The following CDKL2 variants were observed in gnomAD, a reference collection of about 807,000 sequenced individuals.
The protein encoded by CDKL2 is cyclin-dependent kinase-like 2.
Under a neutral mutation model 63.9 loss-of-function variants are expected in CDKL2, and 64 were observed. That is an observed-to-expected ratio of 1.00 (90% CI 0.82 to 1.23). CDKL2 has a LOEUF of 1.23. CDKL2 is among the 50% of genes most tolerant of loss of function. CDKL2 has a pLI of 0.00. For missense variants in CDKL2, 656 were observed against 668.0 expected (o/e 0.98, Z 0.20); for synonymous variants, 211 against 229.2 (o/e 0.92, Z 0.72).
intron 10 of CDKL2, among the ~76,000 whole-genome samples, chr4:75,594,461 A>T (rs1451947853): frequency 6.6e-6 from 1 of 152,142 alleles, no homozygotes; most frequent in East Asian, 1.9e-4. Context: ...AAAAAAAAAA[A>T]ATTATTTTTT....
At chr4:75,590,182 A>G (rs1194518067) in intron 12 of CDKL2, among the ~76,000 whole-genome samples, 1 of 152,176 alleles carries the variant, frequency 6.6e-6, no homozygotes, top group Non-Finnish European at 1.5e-5. Context: ...AAAGAAGTAA[A>G]GAAGTATATA....
rs1312093235 is a variant in CDKL2, at chr4:75,614,341, G to T, written c.277C>A (p.Leu93Ile). 2 of 1,610,508 alleles carry T rather than the reference G, an allele frequency of 1.2e-6. No homozygotes were observed. The highest frequency in any genetic ancestry group is 1.3e-5 in the African/African-American group (1 of 74,834). Residue 93 changes from leucine to isoleucine, a missense_variant, in exon 3 of 14, where the codon CTC becomes ATC. Physicochemically the swap from Leu to Ile is conservative, Grantham distance 5. Coordinates refer to ENST00000307465, the MANE Select transcript of CDKL2 (RefSeq NM_001330724.2). ...VDHTILDDLELFPNGLDYQVV... is the reference protein window; with the variant it reads ...VDHTILDDLEIFPNGLDYQVV... ...TGGTAGTCTAGTCCATTTGGAAAGA[G>T]CTCCAAGTCATCAAGAATTGTGTGG...
At chr4:75,590,462 C>T (rs554473626) in intron 12 of CDKL2, among the ~76,000 whole-genome samples, 3 of 152,322 alleles carry the variant, frequency 2.0e-5, no homozygotes, top group African/African-American at 7.2e-5. Context: ...TGCCTATAAT[C>T]CCAGCACTTC....
chr4:75,587,934 G>T (rs1388966911), intron 12 of CDKL2, among the ~76,000 whole-genome samples: 1 of 147,812 alleles, frequency 6.8e-6, no homozygotes, highest in Non-Finnish European at 1.5e-5. Context: ...CTGAAATCAG[G>T]CTGGGCGCGG....
At chr4:75,590,019 T>TAGCC (rs1453010216) in intron 12 of CDKL2, among the ~76,000 whole-genome samples, 1 of 149,858 alleles carries the variant, frequency 6.7e-6, no homozygotes, top group Non-Finnish European at 1.5e-5. Flanking sequence ...CAGTGGCTCA[T>TAGCC]AGCCAGGTGT....
chr4:75,598,709 A>T (rs1729049579), intron 7 of CDKL2, among the ~76,000 whole-genome samples: 1 of 152,122 alleles, frequency 6.6e-6, no homozygotes, highest in Non-Finnish European at 1.5e-5. Context: ...GTGTGACAAA[A>T]TGAGAATATA....
At chr4:75,593,523 T>G (rs933922428) in intron 10 of CDKL2, among the ~76,000 whole-genome samples, 1 of 152,082 alleles carries the variant, frequency 6.6e-6, no homozygotes, top group African/African-American at 2.4e-5. Context: ...CAAAGAAGAA[T>G]AAATTACCTC....
chr4:75,604,001 T>C (rs1729318411), intron 5 of CDKL2, 45 bp from the exon 6 acceptor site: 1 of 1,553,920 alleles, frequency 6.4e-7, no homozygotes, highest in South Asian at 1.2e-5. Flanking sequence ...TACAACATGA[T>C]AGAAATGGTG....
At chr4:75,595,259 G>C (rs1348649291) in intron 10 of CDKL2, among the ~76,000 whole-genome samples, 1 of 149,928 alleles carries the variant, frequency 6.7e-6, no homozygotes, top group East Asian at 2.0e-4. Context: ...TGAGGTGCTG[G>C]GGCACAATTA....
At chr4:75,606,094 C>G (rs1272706089) in intron 4 of CDKL2, among the ~76,000 whole-genome samples, 1 of 152,150 alleles carries the variant, frequency 6.6e-6, no homozygotes, top group Non-Finnish European at 1.5e-5. Flanking sequence ...ACGCATAACT[C>G]TAGCAAGCTT....
At chr4:75,629,345 A>G (rs558514233) in intron 1 of CDKL2, among the ~76,000 whole-genome samples, 13 of 152,336 alleles carry the variant, frequency 8.5e-5, no homozygotes, top group South Asian at 2.1e-4. Flanking sequence ...ATGCAAGTTG[A>G]CTGCTTCAAG....
Position 75,591,915 on chromosome 4 carries a change from G to C in CDKL2, c.1551C>G (p.Ser517=), listed in dbSNP as rs1728730907. 3 of 1,535,294 alleles carry C rather than the reference G, an allele frequency of 2.0e-6. No homozygotes were observed. In the African/African-American group the frequency reaches 4.1e-5, roughly 21 times the overall value. ...TTTTGCTCTCTTTCTTTGTTAGCCT[G>C]GAATTTCGAGCTAGATAGAAATGAC... The part of the protein sequence containing the change: ...LRALGGIARN[S]RLTKKESKIL... Residue 517 remains serine, a synonymous_variant, in exon 12 of 14, where the codon TCC becomes TCG. Coordinates refer to ENST00000307465, the MANE Select transcript of CDKL2 (RefSeq NM_001330724.2).
chr4:75,604,334 C>G (rs1319406729), intron 5 of CDKL2, among the ~76,000 whole-genome samples: 1 of 152,120 alleles, frequency 6.6e-6, no homozygotes, highest in Non-Finnish European at 1.5e-5. Context: ...TTGTGCTTAT[C>G]TTAAAGTCAG....
At position 75,605,557 on chromosome 4, in the gene CDKL2, T is replaced by A. The variant is rs1033251904; in HGVS notation, c.620A>T (p.Asp207Val). Residue 207 changes from aspartate (D) to valine (V), a missense_variant, in exon 5 of 14, where the codon GAT becomes GTT. Transcript: ENST00000307465. ...MGEPLFPGDS[D>V]IDQLYHIMMC... Reference sequence around the variant, plus strand: ...CATAATATGATATAGCTGATCAATATCAGAATCTCCAGGAAATAGGGGTTC... The same window carrying A: ...CATAATATGATATAGCTGATCAATAACAGAATCTCCAGGAAATAGGGGTTC... The A allele has an allele frequency of 6.2e-7, 1 of 1,612,166 alleles. No homozygotes were observed. Among genetic ancestry groups the A allele is most frequent in the African/African-American group, 1.3e-5 (1 of 74,972 alleles).
intron 2 of CDKL2, among the ~76,000 whole-genome samples, chr4:75,615,682 G>T (rs1729898242): frequency 6.6e-6 from 1 of 152,198 alleles, no homozygotes; most frequent in African/African-American, 2.4e-5. Flanking sequence ...TGATATAGAA[G>T]ATGTAAACAA....
chr4:75,617,506 A>G (rs1034677508), intron 2 of CDKL2, among the ~76,000 whole-genome samples: 1 of 146,030 alleles, frequency 6.8e-6, no homozygotes, highest in African/African-American at 2.7e-5. Context: ...CCTTCTCAAA[A>G]AAACCAAAAA....
rs1728742219 is a variant in CDKL2 at position 75,592,148 on chromosome 4, A to G, written c.1538T>C (p.Ile513Thr). The G allele has an allele frequency of 2.6e-6, 4 of 1,532,170 alleles. No individual in the cohort carries two copies. The South Asian group carries it at 3.6e-5, about 14-fold the overall frequency. The allele number at this position is 1,532,170 out of a possible 1,614,324, so 94.9% of individuals were successfully genotyped here. A position where few individuals can be genotyped will look rare whatever the true frequency, so the allele number is the denominator to read the frequency against. The change falls in exon 11 of 14, where the codon ATA (isoleucine) becomes ACA (threonine). Residue 513 changes from isoleucine (I) to threonine (T), a missense_variant and splice_region_variant. Ile to Thr is a moderately conservative substitution (Grantham distance 89). Coordinates refer to ENST00000307465, the MANE Select transcript of CDKL2 (RefSeq NM_001330724.2). ...AAGTAAAAGCATTATCAACACACCT[A>G]TGCCTCCCAGTGCTCTTAGTTCAGG... ...HLPELRALGG[I>T]ARNSRLTKKE...
At chr4:75,618,669 G>T (rs1301957159) in intron 2 of CDKL2, among the ~76,000 whole-genome samples, 4 of 152,208 alleles carry the variant, frequency 2.6e-5, no homozygotes, top group Non-Finnish European at 5.9e-5. Flanking sequence ...AATCCAGAGA[G>T]TTAACCTCGG....
chr4:75,612,910 G>T (rs1560589136), intron 3 of CDKL2, among the ~76,000 whole-genome samples: 1 of 152,160 alleles, frequency 6.6e-6, no homozygotes, highest in Non-Finnish European at 1.5e-5. Context: ...GGATCACGAG[G>T]TCAGAAGATC....
Sources: gnomAD v4.1 joint callset for allele counts (sites outside exome capture counted in the v4.1 genomes callset) on GRCh38, gnomAD v4.1.1 for gene constraint, MANE v1.5 for transcripts, NCBI Gene and HGNC (gene_info 2026-07-23, HGNC 2026-07-21) for gene names.